RAD51B: variants seen among roughly 807,000 people sequenced by gnomAD.
RAD51B encodes the protein RAD51 paralog B.
Under a neutral mutation model 42.2 loss-of-function variants are expected in RAD51B, and 38 were observed. The observed-to-expected ratio is 0.90, with a 90% CI of 0.70 to 1.18. RAD51B has a LOEUF of 1.18. RAD51B is among the 50% of genes most tolerant of loss of function. The probability of loss-of-function intolerance (pLI) is 0.00; values close to 1 mark genes in which losing one functional copy is unlikely to be tolerated. For missense variants in RAD51B, 373 were observed against 400.7 expected (o/e 0.93, Z 0.59); for synonymous variants, 154 against 145.2 (o/e 1.06, Z -0.43).
chr14:68,481,901 C>T (rs754296822), downstream of RAD51B, among the ~76,000 whole-genome samples: 28 of 152,218 alleles, frequency 1.8e-4, no homozygotes, highest in Non-Finnish European at 7.3e-5. Flanking sequence ...ATCTTCTACT[C>T]TGAGCAGTGA....
At chr14:68,350,530 C>T (rs1009306021) in intron 8 of RAD51B, among the ~76,000 whole-genome samples, 13 of 152,200 alleles carry the variant, frequency 8.5e-5, no homozygotes, top group African/African-American at 3.1e-4. Context: ...CTTCAGAGTG[C>T]CTCCCTTCCC....
At chr14:68,284,734 G>A (rs2081381368) in intron 7 of RAD51B, among the ~76,000 whole-genome samples, 1 of 152,000 alleles carries the variant, frequency 6.6e-6, no homozygotes, top group Non-Finnish European at 1.5e-5. Context: ...CTGAGCTGAA[G>A]CTAAGATAAA....
At chr14:68,595,124 G>A in exon 11 of RAD51B, 6 of 1,066,906 alleles carry the variant, frequency 5.6e-6, no homozygotes, top group Non-Finnish European at 5.7e-6. Context: ...AAATGCCTCA[G>A]CATGTTAGGA....
rs950685056 is a variant in RAD51B at position 68,220,690 on chromosome 14, T to C, written c.757-71194T>C. ...CCATTGCTATTTGCCAATGATATGA[T>C]GGTATACCTAGAAAACCCAAAAAGA... On this transcript the variant is annotated intron_variant, in intron 7 of 10. Transcript: ENST00000471583. Among the ~76,000 whole-genome samples, 3 of 152,314 alleles carry C rather than the reference T, an allele frequency of 2.0e-5. No homozygotes were observed. The East Asian group carries it at 5.8e-4, about 29-fold the overall frequency.
intron 4 of RAD51B, among the ~76,000 whole-genome samples, chr14:67,847,080 G>C (rs1458807592): frequency 1.3e-5 from 2 of 152,222 alleles, no homozygotes; most frequent in East Asian, 3.9e-4. Flanking sequence ...AGTAAGTCTT[G>C]GTGTGTGATA....
At chr14:68,311,946 T>A (rs181372296) in intron 8 of RAD51B, among the ~76,000 whole-genome samples, 2 of 152,248 alleles carry the variant, frequency 1.3e-5, no homozygotes, top group East Asian at 3.9e-4. Context: ...CCCAAACATA[T>A]TCTAATTCAG....
chr14:67,825,674 G>A, intron 3 of RAD51B, 97 bp downstream of exon 3: 2 of 833,310 alleles, frequency 2.4e-6, no homozygotes, highest in Non-Finnish European at 3.5e-6. Context: ...ATAGAGATGA[G>A]TACCTCAAAA....
intron 7 of RAD51B, among the ~76,000 whole-genome samples, chr14:68,184,339 A>G (rs1295896940): frequency 6.6e-6 from 1 of 152,070 alleles, no homozygotes; most frequent in East Asian, 1.9e-4. Flanking sequence ...GGGCTCAAGC[A>G]ATCCTTCCAT....
intron 10 of RAD51B, among the ~76,000 whole-genome samples, chr14:68,552,545 G>A (rs1888632139): frequency 6.6e-6 from 1 of 152,112 alleles, no homozygotes; most frequent in Non-Finnish European, 1.5e-5. Flanking sequence ...AGATTTAAAA[G>A]ACCTAAAATG....
chr14:68,022,579 T>A (rs1253450607), intron 7 of RAD51B, among the ~76,000 whole-genome samples: 1 of 152,194 alleles, frequency 6.6e-6, no homozygotes, highest in Non-Finnish European at 1.5e-5. Flanking sequence ...CGGTTTTGAT[T>A]TACATTTTTC....
At chr14:68,008,796 A>C (rs1473169282) in intron 7 of RAD51B, among the ~76,000 whole-genome samples, 2 of 152,020 alleles carry the variant, frequency 1.3e-5, no homozygotes, top group Non-Finnish European at 2.9e-5. Context: ...AAATAGTGTC[A>C]ATGAGTCCTG....
intron 7 of RAD51B, among the ~76,000 whole-genome samples, chr14:68,146,684 A>G (rs1230544794): frequency 6.6e-6 from 1 of 152,230 alleles, no homozygotes; most frequent in Admixed American, 6.5e-5. Context: ...TGGATCCTTC[A>G]TATGAAACCA....
intron 7 of RAD51B, among the ~76,000 whole-genome samples, chr14:68,144,801 T>G (rs1469405604): frequency 6.6e-6 from 1 of 152,250 alleles, no homozygotes; most frequent in East Asian, 1.9e-4. Flanking sequence ...TAATTGATTT[T>G]AACTTCAAAC....
At chr14:68,426,393 TGAG>T (rs1386230624) in intron 9 of RAD51B, among the ~76,000 whole-genome samples, 1 of 152,086 alleles carries the variant, frequency 6.6e-6, no homozygotes, top group Non-Finnish European at 1.5e-5. Flanking sequence ...GCCATTCTGA[TGAG>T]GTATCAGACA....
intron 7 of RAD51B, among the ~76,000 whole-genome samples, chr14:67,964,776 G>A (rs1282344133): frequency 2.0e-5 from 3 of 152,208 alleles, no homozygotes; most frequent in African/African-American, 7.2e-5. Flanking sequence ...AGAATGTAAA[G>A]TTGTGAGACA....
intron 10 of RAD51B, among the ~76,000 whole-genome samples, chr14:68,551,682 T>G (rs1274726814): frequency 6.6e-6 from 1 of 152,190 alleles, no homozygotes; most frequent in Non-Finnish European, 1.5e-5. Flanking sequence ...TAGCACAGAG[T>G]GCTGTACACA....
intron 10 of RAD51B, among the ~76,000 whole-genome samples, chr14:68,516,487 G>C (rs1163514323): frequency 6.6e-6 from 1 of 152,210 alleles, no homozygotes; most frequent in African/African-American, 2.4e-5. Flanking sequence ...TTTGGATAAA[G>C]TATGCGAAGG....
chr14:68,253,321 C>T (rs2139510685), intron 7 of RAD51B, among the ~76,000 whole-genome samples: 1 of 151,882 alleles, frequency 6.6e-6, no homozygotes, highest in African/African-American at 2.4e-5. Context: ...GATATTTCCT[C>T]ACATCCTTCA....
chr14:68,613,520 C>T (rs188719525), downstream of RAD51B, among the ~76,000 whole-genome samples: 4,714 of 149,866 alleles, frequency 0.031, 111 homozygotes, highest in Middle Eastern at 0.072. Flanking sequence ...GTGGCACGAT[C>T]TCAGCTCACT....
Sources: gnomAD v4.1 joint callset for allele counts (sites outside exome capture counted in the v4.1 genomes callset) on GRCh38, gnomAD v4.1.1 for gene constraint, MANE v1.5 for transcripts, NCBI Gene and HGNC (gene_info 2026-07-23, HGNC 2026-07-21) for gene names.